Variants in ABCA13 observed in about 807,000 individuals in gnomAD.
ABCA13 encodes ATP-binding cassette sub-family A member 13.
A neutral mutation model predicts 478.7 loss-of-function variants in ABCA13; 476 were observed. The observed-to-expected ratio is 0.99, with a 90% CI of 0.92 to 1.07. ABCA13 has a LOEUF of 1.07. ABCA13 is among the 50% of genes least tolerant of loss of function. The pLI is 0.00. For missense variants in ABCA13, 6,060 were observed against 5,910.6 expected, an observed-to-expected ratio of 1.03 and a Z score of -0.83; for synonymous variants, 2,252 against 2,158.9, an observed-to-expected ratio of 1.04 and a Z score of -1.20.
At chr7:48,570,914 G>A (rs1435859751) in intron 55 of ABCA13, among the ~76,000 whole-genome samples, 1 of 151,732 alleles carries the variant, frequency 6.6e-6, no homozygotes, top group Non-Finnish European at 1.5e-5. Context: ...TGCTAAATAA[G>A]TATTTTCTAA....
In ABCA13 at chr7:48,372,148, G is replaced by T. The variant is rs752325625; in HGVS notation, c.10804-20G>T. On this transcript the variant is annotated intron_variant, in intron 32 of 61. Transcript: ENST00000435803. ...AGTACGCATGCTGTGGTAACCTTGG[G>T]TTTTTTCTCTTTTTGGTAGTATATG... The T allele has an allele frequency of 2.5e-6, 4 of 1,597,418 alleles. No individual in the cohort carries two copies. Among genetic ancestry groups the T allele is most frequent in the Non-Finnish European group, 2.6e-6 (3 of 1,169,876 alleles).
rs563159564 is a variant in ABCA13 at position 48,330,689 on chromosome 7, C to T, written c.10000-4733C>T. ...TTCAACCATCGATTCATCTATCTATCCATTCATCCATCAATCCATTCATCC... is the reference window on the plus strand; with the variant it reads ...TTCAACCATCGATTCATCTATCTATTCATTCATCCATCAATCCATTCATCC... On this transcript the variant is annotated intron_variant, in intron 27 of 61. Coordinates refer to ENST00000435803, the MANE Select transcript of ABCA13 (RefSeq NM_152701.5). 7.3e-5 allele frequency among the ~76,000 whole-genome samples: 11 copies of T among 151,070 alleles called. No homozygotes were observed. In the South Asian group the frequency reaches 2.1e-3, roughly 29 times the overall value.
chr7:48,323,388 T>C (rs17712671), intron 27 of ABCA13, among the ~76,000 whole-genome samples: 1 of 152,072 alleles, frequency 6.6e-6, no homozygotes, highest in Non-Finnish European at 1.5e-5. Flanking sequence ...TGGTGTTAAA[T>C]ATACAAGGGA....
At position 48,269,066 on chromosome 7, in the gene ABCA13, C is replaced by T; in HGVS notation, c.2092C>T (p.Leu698Phe). 3 of 1,586,472 alleles carry T rather than the reference C, an allele frequency of 1.9e-6. No homozygotes were observed. The highest frequency in any genetic ancestry group is 2.6e-6 in the Non-Finnish European group (3 of 1,156,506). ...DNYFQFLNNL[L>F]KSPTASISRA... ...TTATTTTCAATTTTTGAATAACTTACTCAAGTCTCCAACAGCTTCCATATC... is the reference window on the plus strand; with the variant it reads ...TTATTTTCAATTTTTGAATAACTTATTCAAGTCTCCAACAGCTTCCATATC... Residue 698 changes from leucine (L) to phenylalanine (F), a missense_variant, in exon 16 of 62, where the codon CTC becomes TTC. By Grantham distance (22) the Leu-to-Phe change is conservative. Around this residue, in one of 3 missense-constraint regions of ABCA13, gnomAD observed 4,423 missense variants for 4,309.1 expected, o/e 1.03. Coordinates refer to ENST00000435803, the MANE Select transcript of ABCA13 (RefSeq NM_152701.5).
At chr7:48,498,833 A>G (rs1830494053) in intron 48 of ABCA13, among the ~76,000 whole-genome samples, 1 of 152,226 alleles carries the variant, frequency 6.6e-6, no homozygotes, top group Admixed American at 6.5e-5. Flanking sequence ...AATGCACACA[A>G]TGAAGAAAAG....
At chr7:48,338,866 T>A (rs1806672706) in intron 29 of ABCA13, among the ~76,000 whole-genome samples, 1 of 152,220 alleles carries the variant, frequency 6.6e-6, no homozygotes, top group Non-Finnish European at 1.5e-5. Flanking sequence ...TTATTGTACC[T>A]CTGCAATTGA....
chr7:48,487,767 C>T (rs942881540), intron 47 of ABCA13, among the ~76,000 whole-genome samples: 6 of 152,126 alleles, frequency 3.9e-5, no homozygotes, highest in African/African-American at 1.4e-4. Context: ...AGAAATCTGG[C>T]TAGTGCCTGT....
intron 42 of ABCA13, among the ~76,000 whole-genome samples, chr7:48,429,621 T>A (rs1821874675): frequency 6.6e-6 from 1 of 152,238 alleles, no homozygotes. Context: ...TTATTAAAAT[T>A]GGGCAGATTT....
At chr7:48,177,372 TG>T (rs1458569913) in intron 1 of ABCA13, among the ~76,000 whole-genome samples, 1 of 152,176 alleles carries the variant, frequency 6.6e-6, no homozygotes, top group Non-Finnish European at 1.5e-5. Flanking sequence ...TAGAGGTCCT[TG>T]GGGTCAGGGC....
intron 48 of ABCA13, among the ~76,000 whole-genome samples, chr7:48,502,517 G>C (rs887144402): frequency 7.9e-5 from 12 of 152,210 alleles, no homozygotes; most frequent in African/African-American, 2.9e-4. Context: ...TTTCACTGAA[G>C]AATGAATAGA....
chr7:48,469,819 C>A (rs1166054398), intron 44 of ABCA13, among the ~76,000 whole-genome samples: 1 of 151,858 alleles, frequency 6.6e-6, no homozygotes, highest in Non-Finnish European at 1.5e-5. Context: ...ACTCGGGAGG[C>A]TGAGGCAGGA....
At chr7:48,235,294 T>C (rs1789780792) in intron 8 of ABCA13, among the ~76,000 whole-genome samples, 1 of 152,254 alleles carries the variant, frequency 6.6e-6, no homozygotes, top group South Asian at 2.1e-4. Context: ...GTAGATGGAA[T>C]ATGAAACCCC....
At chr7:48,186,104 T>G (rs538286393) in intron 1 of ABCA13, among the ~76,000 whole-genome samples, 4 of 152,146 alleles carry the variant, frequency 2.6e-5, no homozygotes, top group African/African-American at 9.6e-5. Flanking sequence ...ATATTTTAAT[T>G]ACAGCCATTC....
At chr7:48,281,520 G>T in intron 19 of ABCA13, 68 bp downstream of exon 19, 1 of 1,350,754 alleles carries the variant, frequency 7.4e-7, no homozygotes, top group Admixed American at 2.0e-5. Context: ...AGGTGTCAGA[G>T]AGATGAGTAT....
chr7:48,352,300 G>T lies in ABCA13; in HGVS notation c.10501G>T (p.Val3501Leu). ...NVLYSVRTDV[V>L]KNPSWKFHPQ... is the part of the protein sequence containing the mutation. Reference sequence around the variant, plus strand: ...GTTATACAGCGTGCGAACAGATGTGGTAAAAAACCCTTCTTGGAAGTTCCA... The same window carrying T: ...GTTATACAGCGTGCGAACAGATGTGTTAAAAAACCCTTCTTGGAAGTTCCA... Residue 3501 changes from valine (V) to leucine (L), a missense_variant, in exon 31 of 62, where the codon GTA (valine) becomes TTA (leucine). This residue lies in a region of ABCA13 where 4,423 missense variants were observed against 4,309.1 expected (regional missense o/e 1.03). Transcript: ENST00000435803. 6.2e-7 allele frequency: 1 copy of T among 1,613,832 alleles called. No homozygotes were observed. The highest frequency in any genetic ancestry group is 1.1e-5 in the South Asian group (1 of 91,084).
At chr7:48,522,784 G>T (rs1832643534) in intron 53 of ABCA13, among the ~76,000 whole-genome samples, 1 of 152,300 alleles carries the variant, frequency 6.6e-6, no homozygotes, top group East Asian at 1.9e-4. Flanking sequence ...AAGCTCTGGG[G>T]ATGAGACCCA....
chr7:48,228,125 C>G (rs1214721458), intron 6 of ABCA13, among the ~76,000 whole-genome samples: 1 of 152,092 alleles, frequency 6.6e-6, no homozygotes, highest in Non-Finnish European at 1.5e-5. Context: ...GGTTTATATT[C>G]TTCTCTGTTT....
At chr7:48,354,505 G>A (rs969761329) in intron 31 of ABCA13, among the ~76,000 whole-genome samples, 1 of 152,000 alleles carries the variant, frequency 6.6e-6, no homozygotes, top group Non-Finnish European at 1.5e-5. Flanking sequence ...GACATGGATG[G>A]AGACATATTT....
At chr7:48,286,693 C>T (rs146957999) in intron 19 of ABCA13, among the ~76,000 whole-genome samples, 7,558 of 151,910 alleles carry the variant, frequency 0.05, 235 homozygotes, top group Middle Eastern at 0.061. Flanking sequence ...TTAGTAGAGA[C>T]GGGGTTTTAC....
Sources: allele counts gnomAD v4.1 joint callset (sites outside exome capture counted in the v4.1 genomes callset), GRCh38; gene constraint gnomAD v4.1.1; regional missense constraint gnomAD v4.1.1; transcripts MANE v1.5; gene names NCBI Gene and HGNC (gene_info 2026-07-23, HGNC 2026-07-21).